Variants in SGCD observed in about 807,000 individuals in gnomAD.
SGCD encodes sarcoglycan delta.
Under a neutral mutation model 36.6 loss-of-function variants are expected in SGCD, and 18 were observed. The ratio of observed to expected loss-of-function variants is 0.49; its 90% confidence interval spans 0.34 to 0.73. The LOEUF (loss-of-function observed/expected upper bound fraction) is 0.73. SGCD is among the 30% of genes least tolerant of loss of function. The probability of loss-of-function intolerance (pLI) is 0.01; values close to 1 mark genes in which losing one functional copy is unlikely to be tolerated. For synonymous variants in SGCD, 133 were observed against 130.6 expected (o/e 1.02, Z -0.12); for missense variants, 387 against 346.7 (o/e 1.12, Z -0.92).
intron 3 of SGCD, among the ~76,000 whole-genome samples, chr5:156,295,007 G>C (rs1766858198): frequency 6.6e-6 from 1 of 152,084 alleles, no homozygotes; most frequent in Admixed American, 6.6e-5. Context: ...GTTAGGGAGT[G>C]TTCCCTCTTC....
intron 1 of SGCD, among the ~76,000 whole-genome samples, chr5:156,048,187 G>A (rs1479926098): frequency 2.0e-5 from 3 of 152,180 alleles, no homozygotes; most frequent in East Asian, 1.9e-4. Context: ...ATTCCATGGT[G>A]TATATGTGCC....
intron 6 of SGCD, among the ~76,000 whole-genome samples, chr5:156,610,999 C>T (rs549860089): frequency 2.0e-5 from 3 of 152,356 alleles, no homozygotes; most frequent in South Asian, 2.1e-4. Flanking sequence ...CCAGGTGAGG[C>T]GATGCCTCGC....
At chr5:155,853,219 C>T in the SGCD span, among the ~76,000 whole-genome samples, 53 of 151,832 alleles carry the variant, frequency 3.5e-4, no homozygotes, top group African/African-American at 1.2e-3. Flanking sequence ...ATGCATTGAT[C>T]GATATTTAAT....
chr5:156,177,649 C>A (rs1309095692), intron 3 of SGCD, among the ~76,000 whole-genome samples: 2 of 152,052 alleles, frequency 1.3e-5, no homozygotes, highest in Non-Finnish European at 2.9e-5. Flanking sequence ...ACAAACATAT[C>A]CCCACATGAA....
the SGCD span, among the ~76,000 whole-genome samples, chr5:155,758,380 TTCTG>T: frequency 6.6e-6 from 1 of 152,192 alleles, no homozygotes; most frequent in East Asian, 1.9e-4. Context: ...GAAGGACAGT[TTCTG>T]TTTCCAAGTT....
the SGCD span, among the ~76,000 whole-genome samples, chr5:155,804,358 G>A: frequency 6.6e-6 from 1 of 152,182 alleles, no homozygotes; most frequent in African/African-American, 2.4e-5. Context: ...GTTAGAAAGT[G>A]ATAGAGGAGG....
chr5:156,229,092 G>C (rs1403654654), intron 3 of SGCD, among the ~76,000 whole-genome samples: 1 of 151,458 alleles, frequency 6.6e-6, no homozygotes, highest in East Asian at 1.9e-4. Context: ...CATGCTGAAT[G>C]CTTCCTGCCC....
At chr5:156,500,875 C>T (rs1461239602) in intron 3 of SGCD, among the ~76,000 whole-genome samples, 1 of 152,150 alleles carries the variant, frequency 6.6e-6, no homozygotes, top group African/African-American at 2.4e-5. Context: ...CCATCCCCAT[C>T]CCACAAGAAC....
intron 3 of SGCD, among the ~76,000 whole-genome samples, chr5:156,401,330 A>G (rs1772134264): frequency 6.6e-6 from 1 of 152,196 alleles, no homozygotes; most frequent in Non-Finnish European, 1.5e-5. Context: ...TTGGATAGTA[A>G]AAGGTGCTCT....
intron 3 of SGCD, among the ~76,000 whole-genome samples, chr5:156,279,785 T>G (rs1343616735): frequency 6.6e-6 from 1 of 152,002 alleles, no homozygotes; most frequent in African/African-American, 2.4e-5. Flanking sequence ...TCTACATGAC[T>G]CCCCTACACA....
chr5:156,318,593 C>CTT (rs199528833), intron 3 of SGCD, among the ~76,000 whole-genome samples: 15 of 138,948 alleles, frequency 1.1e-4, no homozygotes, highest in Middle Eastern at 3.7e-3. Flanking sequence ...TGAATGACCT[C>CTT]TTTTTTTTTT....
chr5:155,866,299 A>G (rs1755523522), upstream of SGCD, among the ~76,000 whole-genome samples: 2 of 152,142 alleles, frequency 1.3e-5, no homozygotes, highest in African/African-American at 4.8e-5. Context: ...TCCCTAGTAT[A>G]GTTGGGTGCC....
intron 3 of SGCD, among the ~76,000 whole-genome samples, chr5:156,484,939 T>C (rs1476799957): frequency 6.6e-6 from 1 of 152,218 alleles, no homozygotes; most frequent in Non-Finnish European, 1.5e-5. Context: ...ATCTCCTGAA[T>C]AATAGGATTT....
chr5:155,876,719 C>T (rs1041909571), intron 1 of SGCD, among the ~76,000 whole-genome samples: 2 of 152,130 alleles, frequency 1.3e-5, no homozygotes, highest in South Asian at 4.1e-4. Flanking sequence ...TTACTTAGGG[C>T]ATTAAAATGG....
intron 7 of SGCD, among the ~76,000 whole-genome samples, chr5:156,715,748 A>G (rs183894162): frequency 3.9e-5 from 6 of 152,316 alleles, no homozygotes; most frequent in African/African-American, 9.6e-5. Flanking sequence ...GATAAACACC[A>G]GGCCCCATAA....
At chr5:156,007,248 T>A (rs1190759396) in intron 1 of SGCD, among the ~76,000 whole-genome samples, 1 of 152,152 alleles carries the variant, frequency 6.6e-6, no homozygotes, top group Non-Finnish European at 1.5e-5. Context: ...CCACACTGGG[T>A]GATAAATGTA....
intron 4 of SGCD, among the ~76,000 whole-genome samples, chr5:156,512,172 T>C (rs925396763): frequency 2.4e-5 from 3 of 124,856 alleles, no homozygotes; most frequent in African/African-American, 9.3e-5. Context: ...CTAGCCTGGA[T>C]GACAGTGAGA....
In SGCD at chr5:156,185,417, C is replaced by T. The variant is rs563662650; in HGVS notation, c.-44+61398C>T. 2.4e-3 allele frequency among the ~76,000 whole-genome samples: 365 copies of T among 151,792 alleles called. 1 individual carries two copies. The highest frequency in any genetic ancestry group is 0.017 in the Middle Eastern group (5 of 292). On this transcript the variant is annotated intron_variant, in intron 3 of 9. Coordinates refer to the SGCD transcript ENST00000517913. ...TTTTAGCAGAGACGGGGTTTCACCA[C>T]GTTAGCCAGGATGGTCTCGATCTCC...
chr5:156,043,654 C>G (rs1759690634), intron 1 of SGCD, among the ~76,000 whole-genome samples: 2 of 152,174 alleles, frequency 1.3e-5, no homozygotes, highest in Admixed American at 1.3e-4. Flanking sequence ...CTCATTATTT[C>G]AGCCCATCTG....
Sources: gnomAD v4.1 joint callset for allele counts (sites outside exome capture counted in the v4.1 genomes callset) on GRCh38, gnomAD v4.1.1 for gene constraint, MANE v1.5 for transcripts, NCBI Gene and HGNC (gene_info 2026-07-23, HGNC 2026-07-21) for gene names.